Variants in KCNA6 observed in about 807,000 individuals in gnomAD.
The protein encoded by KCNA6 is potassium voltage-gated channel subfamily A member 6, also known as human brain potassium channel-2.
In KCNA6, 17 loss-of-function variants were observed where a neutral mutation model predicts 29.5. The ratio of observed to expected loss-of-function variants is 0.58; its 90% CI spans 0.39 to 0.86. The LOEUF is 0.86. KCNA6 is among the 40% of genes least tolerant of loss of function. The pLI is 0.00. For synonymous variants in KCNA6, 296 were observed against 304.7 expected (o/e 0.97, Z 0.30); for missense variants, 450 against 703.4 (o/e 0.64, Z 4.07).
chr12:4,821,417 G>GGTGT, the KCNA6 span, among the ~76,000 whole-genome samples: 1 of 105,266 alleles, frequency 9.5e-6, no homozygotes, highest in Non-Finnish European at 2.1e-5. Flanking sequence ...TACTCACTTG[G>GGTGT]ATGTGTGTGT....
At chr12:4,813,342 G>A (rs1240019584) in exon 1 of KCNA6, 1 of 166,990 alleles carries the variant, frequency 6.0e-6, no homozygotes, top group African/African-American at 2.4e-5. Context: ...CCTACCTCAT[G>A]GGGAATGTCT....
At chr12:4,825,425 A>C in the KCNA6 span, among the ~76,000 whole-genome samples, 1 of 152,180 alleles carries the variant, frequency 6.6e-6, no homozygotes, top group African/African-American at 2.4e-5. Context: ...CATTTTTAAA[A>C]ATTTTTACCA....
At chr12:4,827,168 C>CCTTCCCTT in the KCNA6 span, among the ~76,000 whole-genome samples, 3 of 123,628 alleles carry the variant, frequency 2.4e-5, no homozygotes, top group East Asian at 4.8e-4. Flanking sequence ...TTCCTTCCCT[C>CCTTCCCTT]CTTCTTTCCT....
chr12:4,831,088 T>C, the KCNA6 span, among the ~76,000 whole-genome samples: 62,118 of 152,128 alleles, frequency 0.41, 13,280 homozygotes, highest in Middle Eastern at 0.53. Context: ...AAAGCTGGTC[T>C]CCGCTGTGCC....
chr12:4,835,134 ATT>A, the KCNA6 span, among the ~76,000 whole-genome samples: 275 of 136,258 alleles, frequency 2.0e-3, no homozygotes, highest in African/African-American at 4.7e-3. Flanking sequence ...ACAGAGAATG[ATT>A]TTTTTTTTTT....
the KCNA6 span, among the ~76,000 whole-genome samples, chr12:4,824,663 T>A: frequency 2.6e-5 from 4 of 152,150 alleles, no homozygotes; most frequent in Admixed American, 2.6e-4. Flanking sequence ...ATCTCATGAC[T>A]CAGCTATTCA....
At chr12:4,828,272 T>C in the KCNA6 span, among the ~76,000 whole-genome samples, 1 of 152,262 alleles carries the variant, frequency 6.6e-6, no homozygotes, top group East Asian at 1.9e-4. Flanking sequence ...TGTCTGTATC[T>C]GTATATCTAT....
chr12:4,841,532 T>C, the KCNA6 span, among the ~76,000 whole-genome samples: 1 of 152,194 alleles, frequency 6.6e-6, no homozygotes, highest in African/African-American at 2.4e-5. Context: ...TGAATATGTA[T>C]TGAAGTGCAG....
chr12:4,841,800 C>A, the KCNA6 span, among the ~76,000 whole-genome samples: 1 of 152,014 alleles, frequency 6.6e-6, no homozygotes, highest in Non-Finnish European at 1.5e-5. Flanking sequence ...AAAAAACATG[C>A]GATCTCCAAG....
At chr12:4,809,985 C>G (rs1304137182) in exon 1 of KCNA6, 2 of 1,491,750 alleles carry the variant, frequency 1.3e-6, no homozygotes, top group Admixed American at 2.4e-5. Context: ...GTGCCGCGCT[C>G]CAGAGATTGT....
At chr12:4,836,901 G>A in the KCNA6 span, among the ~76,000 whole-genome samples, 759 of 152,318 alleles carry the variant, frequency 5.0e-3, 11 homozygotes, top group African/African-American at 0.017. Context: ...TGATATTGCG[G>A]AATATATATT....
At chr12:4,840,157 A>C in the KCNA6 span, among the ~76,000 whole-genome samples, 1 of 148,410 alleles carries the variant, frequency 6.7e-6, no homozygotes, top group Non-Finnish European at 1.5e-5. Flanking sequence ...ATTTGGGCAT[A>C]AAATGGTATT....
chr12:4,833,288 T>G, the KCNA6 span, among the ~76,000 whole-genome samples: 1 of 152,204 alleles, frequency 6.6e-6, no homozygotes, highest in Admixed American at 6.5e-5. Context: ...TGCTTCCTCA[T>G]GCATCTGTGA....
chr12:4,818,733 A>T, the KCNA6 span, among the ~76,000 whole-genome samples: 1 of 152,262 alleles, frequency 6.6e-6, no homozygotes, highest in Non-Finnish European at 1.5e-5. Context: ...GAATGAAGCC[A>T]TAGCTCCTAA....
chr12:4,842,349 T>TC, the KCNA6 span, among the ~76,000 whole-genome samples: 1 of 152,034 alleles, frequency 6.6e-6, no homozygotes, highest in Non-Finnish European at 1.5e-5. Flanking sequence ...TGGAGCTAGG[T>TC]CCACAGGTGA....
At chr12:4,835,230 G>GTTCACACCATTCTCCTGCC in the KCNA6 span, among the ~76,000 whole-genome samples, 48 of 150,834 alleles carry the variant, frequency 3.2e-4, no homozygotes, top group African/African-American at 1.2e-4. Context: ...TGCCTCCCGG[G>GTTCACACCATTCTCCTGCC]TTCACACCAT....
chr12:4,827,009 C>T, the KCNA6 span, among the ~76,000 whole-genome samples: 21 of 151,912 alleles, frequency 1.4e-4, no homozygotes, highest in East Asian at 3.9e-3. Context: ...ATTCCTTCCT[C>T]CCTCCTTCCT....
chr12:4,816,246 ACTGGTGT>A (rs1243116049), downstream of KCNA6, among the ~76,000 whole-genome samples: 13 of 131,302 alleles, frequency 9.9e-5, no homozygotes, highest in Non-Finnish European at 1.9e-4. Flanking sequence ...AATACCACGA[ACTGGTGT>A]GTGTGTGTGT....
chr12:4,850,690 C>A, the KCNA6 span: 1 of 402,720 alleles, frequency 2.5e-6, no homozygotes, highest in East Asian at 7.3e-5. This position sits in a 1 kb window ranked among gnomAD's most constrained non-coding sequence, Gnocchi z 5.4. Flanking sequence ...GCGACACAAC[C>A]TCATATCACT....
Sources: allele counts gnomAD v4.1 joint callset (sites outside exome capture counted in the v4.1 genomes callset), GRCh38; gene constraint gnomAD v4.1.1; non-coding constraint Gnocchi (gnomAD v3.1); transcripts MANE v1.5; gene names NCBI Gene and HGNC (gene_info 2026-07-23, HGNC 2026-07-21).